Variants in DPP10 observed in about 807,000 individuals in gnomAD.
The protein encoded by DPP10 is inactive dipeptidyl peptidase 10.
Under a neutral mutation model 120.9 loss-of-function variants are expected in DPP10, and 33 were observed. The ratio of observed to expected loss-of-function variants is 0.27; its 90% CI spans 0.21 to 0.37. The LOEUF (loss-of-function observed/expected upper bound fraction) is 0.37. Among genes scored for constraint, DPP10 ranks in the 10% least tolerant of loss-of-function variants. DPP10 has a pLI of 1.00. For synonymous variants in DPP10, 337 were observed against 326.1 expected (o/e 1.03, Z -0.36); for missense variants, 816 against 942.8 (o/e 0.87, Z 1.76).
At chr2:114,860,873 C>A (rs774060018) in intron 1 of DPP10, among the ~76,000 whole-genome samples, 3 of 152,190 alleles carry the variant, frequency 2.0e-5, no homozygotes, top group Non-Finnish European at 4.4e-5. Context: ...CCCTGAGCCA[C>A]GAGCTGCTCC....
intron 1 of DPP10, among the ~76,000 whole-genome samples, chr2:114,996,254 C>A (rs1009104008): frequency 5.9e-5 from 9 of 152,182 alleles, no homozygotes; most frequent in African/African-American, 1.9e-4. Flanking sequence ...AATCATATCA[C>A]CTCACTTCTG....
chr2:115,381,948 C>G (rs1322616372), intron 3 of DPP10, among the ~76,000 whole-genome samples: 2 of 152,096 alleles, frequency 1.3e-5, no homozygotes, highest in African/African-American at 4.8e-5. Context: ...AACCACTGCT[C>G]TCTTCAAAGC....
chr2:115,808,087 G>A (rs1686221142), intron 19 of DPP10, among the ~76,000 whole-genome samples: 2 of 152,102 alleles, frequency 1.3e-5, no homozygotes, highest in South Asian at 4.1e-4. Flanking sequence ...TTAACATATG[G>A]ATAATAAAAT....
At chr2:115,167,604 CAAAAAAAAA>C (rs59031977) in intron 1 of DPP10, among the ~76,000 whole-genome samples, 1 of 48,550 alleles carries the variant, frequency 2.1e-5, no homozygotes, top group Non-Finnish European at 4.9e-5. Flanking sequence ...GAGACCGTCT[CAAAAAAAAA>C]AAAAAAAAAA....
intron 1 of DPP10, among the ~76,000 whole-genome samples, chr2:115,271,679 T>A (rs999374800): frequency 6.6e-6 from 1 of 152,144 alleles, no homozygotes; most frequent in Non-Finnish European, 1.5e-5. Context: ...CAAAAGCAGA[T>A]TTTGAATAAA....
Position 114,799,975 on chromosome 2 carries a change from G to A in DPP10, c.60+357137G>A, listed in dbSNP as rs534288115. Reference sequence around the variant, plus strand: ...AGGCAAAGCAAAACCTTGAATATGAGGAATGTACAAACCTCTGTTATTTTG... The same window carrying A: ...AGGCAAAGCAAAACCTTGAATATGAAGAATGTACAAACCTCTGTTATTTTG... On this transcript the variant is annotated intron_variant, in intron 1 of 25. Transcript: ENST00000410059. Among the ~76,000 whole-genome samples the A allele has an allele frequency of 7.9e-5, 12 of 152,266 alleles. No homozygotes were observed. In the South Asian group the frequency reaches 1.7e-3, roughly 21 times the overall value.
chr2:114,628,816 A>G (rs1694704000), intron 1 of DPP10, among the ~76,000 whole-genome samples: 1 of 152,104 alleles, frequency 6.6e-6, no homozygotes, highest in African/African-American at 2.4e-5. Context: ...AGACATTTTT[A>G]TTGTTTCGTG....
chr2:114,807,393 C>T (rs908104677), intron 1 of DPP10, among the ~76,000 whole-genome samples: 2 of 151,998 alleles, frequency 1.3e-5, no homozygotes, highest in Admixed American at 6.6e-5. Flanking sequence ...TTATTTTGTC[C>T]TTTTGTTGGG....
chr2:114,791,428 T>C (rs950180302), intron 1 of DPP10, among the ~76,000 whole-genome samples: 1 of 152,210 alleles, frequency 6.6e-6, no homozygotes, highest in Non-Finnish European at 1.5e-5. Flanking sequence ...TCTAGAAATC[T>C]GCCTGTCTCA....
At chr2:115,308,323 C>T (rs989616982) in intron 1 of DPP10, among the ~76,000 whole-genome samples, 1 of 151,960 alleles carries the variant, frequency 6.6e-6, no homozygotes, top group African/African-American at 2.4e-5. Context: ...ATCACCAAAT[C>T]TGTTAGCTAT....
chr2:115,800,268 T>G (rs1685041826), intron 19 of DPP10, among the ~76,000 whole-genome samples: 1 of 149,894 alleles, frequency 6.7e-6, no homozygotes, highest in Non-Finnish European at 1.5e-5. Flanking sequence ...CTTCGCCCAC[T>G]TTTTGATGGG....
chr2:114,863,354 T>G (rs936706977), intron 1 of DPP10, among the ~76,000 whole-genome samples: 8 of 152,218 alleles, frequency 5.3e-5, no homozygotes, highest in Non-Finnish European at 8.8e-5. Context: ...TAAATGATTT[T>G]CTTTATTTCT....
At chr2:115,164,207 C>A (rs1442630363) in intron 1 of DPP10, among the ~76,000 whole-genome samples, 4 of 151,944 alleles carry the variant, frequency 2.6e-5, no homozygotes, top group African/African-American at 9.7e-5. Context: ...TTCAAGCACT[C>A]CCAGGAAATA....
In DPP10 at chr2:114,996,512, A is replaced by AT. The variant is rs558266726; in HGVS notation, c.61-312719dup. ...AAACACATACTGAAGACAAGTTTTA[A>AT]TTTTTTTTAATTTAAAACACATCAG... On this transcript the variant is annotated intron_variant, in intron 1 of 25. Coordinates refer to ENST00000410059, the MANE Select transcript of DPP10 (RefSeq NM_020868.6). Among the ~76,000 whole-genome samples the AT allele has an allele frequency of 3.7e-3, 569 of 152,116 alleles. 8 individuals are homozygous for AT. The highest frequency in any genetic ancestry group is 0.013 in the African/African-American group (538 of 41,504).
At chr2:115,332,845 G>C (rs558927668) in intron 2 of DPP10, among the ~76,000 whole-genome samples, 7 of 152,052 alleles carry the variant, frequency 4.6e-5, no homozygotes, top group Non-Finnish European at 7.4e-5. Flanking sequence ...TTCCTTCCAA[G>C]TATGTGGTCA....
At chr2:114,755,748 T>C (rs1450530091) in intron 1 of DPP10, among the ~76,000 whole-genome samples, 1 of 152,144 alleles carries the variant, frequency 6.6e-6, no homozygotes, top group African/African-American at 2.4e-5. Context: ...AAAGAAGAAT[T>C]TAGCCTGTGA....
At chr2:115,505,947 C>G (rs561924503) in intron 4 of DPP10, among the ~76,000 whole-genome samples, 2 of 151,478 alleles carry the variant, frequency 1.3e-5, no homozygotes, top group African/African-American at 4.8e-5. Context: ...CACATTTTAC[C>G]CCATAAATAT....
At chr2:115,654,178 T>TTCA (rs1228544832) in intron 5 of DPP10, among the ~76,000 whole-genome samples, 8 of 151,748 alleles carry the variant, frequency 5.3e-5, no homozygotes, top group Non-Finnish European at 1.0e-4. Flanking sequence ...CAGTGTTAGC[T>TTCA]TCATCACAAG....
intron 1 of DPP10, among the ~76,000 whole-genome samples, chr2:114,606,783 A>T (rs767244883): frequency 6.6e-6 from 1 of 152,212 alleles, no homozygotes; most frequent in Non-Finnish European, 1.5e-5. Flanking sequence ...AGTTCTTGAT[A>T]TGTATTTAAA....
Sources: allele counts gnomAD v4.1 joint callset (sites outside exome capture counted in the v4.1 genomes callset), GRCh38; gene constraint gnomAD v4.1.1; transcripts MANE v1.5; gene names NCBI Gene and HGNC (gene_info 2026-07-23, HGNC 2026-07-21).